MEGF6: variants seen among roughly 807,000 people sequenced by gnomAD.
MEGF6 encodes the protein multiple epidermal growth factor-like domains protein 6.
MEGF6 carries 184 observed loss-of-function variants against 207.1 expected under a neutral mutation model. That is an observed-to-expected ratio of 0.89 (90% CI 0.79 to 1.00). The LOEUF (loss-of-function observed/expected upper bound fraction) is 1.00. Ranked by LOEUF, MEGF6 falls within the 50% of genes least tolerant of loss-of-function variation. MEGF6 has a pLI of 0.00. For synonymous variants in MEGF6, 1,038 were observed against 910.0 expected, an observed-to-expected ratio of 1.14 and a Z score of -2.53; for missense variants, 2,282 against 2,202.9, an observed-to-expected ratio of 1.04 and a Z score of -0.72.
Position 3,499,707 on chromosome 1 carries a change from G to T in MEGF6, c.2846C>A (p.Ala949Asp). 2 of 1,604,416 alleles carry T rather than the reference G, an allele frequency of 1.2e-6. No individual in the cohort carries two copies. Among genetic ancestry groups the T allele is most frequent in the Non-Finnish European group, 1.7e-6 (2 of 1,176,524 alleles). ...GCGACAGTCCAATCCAAAGAAGCCGGCCGGGCAGGCTGCAGACAGCGGGCA... is the reference window on the plus strand; with the variant it reads ...GCGACAGTCCAATCCAAAGAAGCCGTCCGGGCAGGCTGCAGACAGCGGGCA... ...RGTFCEHACP[A>D]GFFGLDCRSA... Residue 949 changes from alanine to aspartate, a missense_variant, in exon 23 of 37, where the codon GCC becomes GAC. Transcript: ENST00000356575.
intron 3 of MEGF6, among the ~76,000 whole-genome samples, chr1:3,591,179 T>G (rs1223930711): frequency 7.2e-5 from 11 of 152,010 alleles, no homozygotes; most frequent in African/African-American, 2.4e-4. Flanking sequence ...CCAGCAGAGA[T>G]GGGAAGCGCA....
chr1:3,557,751 G>A lies in MEGF6; in HGVS notation c.481+22074C>T, dbSNP rs575838546. 7.9e-5 allele frequency among the ~76,000 whole-genome samples: 12 copies of A among 152,368 alleles called. No individual in the cohort carries two copies. The East Asian group carries it at 2.3e-3, about 29-fold the overall frequency. On this transcript the variant is annotated intron_variant, in intron 4 of 36. Transcript: ENST00000356575. ...GCACCAGCAGCAGGGGGAGTTCAGG[G>A]GATAAAGTGCAGAAGGGCATATCAG...
the MEGF6 span, among the ~76,000 whole-genome samples, chr1:3,618,919 G>T: frequency 6.6e-6 from 1 of 152,204 alleles, no homozygotes; most frequent in African/African-American, 2.4e-5. This position sits in a 1 kb window ranked among gnomAD's most constrained non-coding sequence, Gnocchi z 4.7. Context: ...AGCTGGTGCC[G>T]GCACCTAGAG....
chr1:3,515,454 G>A lies in MEGF6; in HGVS notation c.678C>T (p.Arg226=). Reference sequence around the variant, plus strand: ...GCTGGAACCCGGGCCGGCACTGGCAGCGATGCCGAGTGATTGTGAGCTGGA... The same window carrying A: ...GCTGGAACCCGGGCCGGCACTGGCAACGATGCCGAGTGATTGTGAGCTGGA... ...HCVQLTITRH[R]CQCRPGFQLQ... The change falls in exon 6 of 37, where the codon CGC becomes CGT. Residue 226 remains arginine (R), a synonymous_variant. Transcript: ENST00000356575. The A allele has an allele frequency of 1.9e-6, 3 of 1,612,744 alleles. No individual in the cohort carries two copies. The highest frequency in any genetic ancestry group is 1.7e-6 in the Non-Finnish European group (2 of 1,179,922).
chr1:3,563,278 G>T (rs1375231032), intron 4 of MEGF6, among the ~76,000 whole-genome samples: 1 of 152,132 alleles, frequency 6.6e-6, no homozygotes, highest in Non-Finnish European at 1.5e-5. Flanking sequence ...ATATGGCCAC[G>T]ACGCTGGGCA....
chr1:3,501,660 A>C, intron 18 of MEGF6, 136 bp downstream of exon 18: 135 of 1,182,726 alleles, frequency 1.1e-4, no homozygotes, highest in Middle Eastern at 3.0e-4. Context: ...ACCCCAGGGG[A>C]GTGCACTGTG....
At chr1:3,530,545 C>CAG (rs1053930438) in intron 4 of MEGF6, among the ~76,000 whole-genome samples, 1 of 152,164 alleles carries the variant, frequency 6.6e-6, no homozygotes, top group African/African-American at 2.4e-5. Flanking sequence ...ATCCCAGCTG[C>CAG]AGAGAGAGGC....
chr1:3,622,178 C>T, the MEGF6 span, among the ~76,000 whole-genome samples: 1 of 152,118 alleles, frequency 6.6e-6, no homozygotes, highest in Non-Finnish European at 1.5e-5. Context: ...GCTGTGTCCC[C>T]ACCCAAATCT....
At chr1:3,624,646 G>C in the MEGF6 span, 3 of 152,586 alleles carry the variant, frequency 2.0e-5, no homozygotes, top group Admixed American at 2.0e-4. Context: ...GCTCCAGAAG[G>C]CCGAAGGGGG....
At chr1:3,518,483 C>T (rs746050956) in intron 5 of MEGF6, among the ~76,000 whole-genome samples, 9 of 152,014 alleles carry the variant, frequency 5.9e-5, no homozygotes, top group African/African-American at 1.2e-4. Context: ...CTGCTCGAGG[C>T]GCAGCATCCT....
chr1:3,604,949 G>A (rs1409950460), intron 1 of MEGF6, among the ~76,000 whole-genome samples: 4 of 151,980 alleles, frequency 2.6e-5, no homozygotes, highest in African/African-American at 9.7e-5. Context: ...GCACCCATGG[G>A]GGATGGTCTC....
intron 4 of MEGF6, among the ~76,000 whole-genome samples, chr1:3,538,161 G>A (rs539421156): frequency 6.6e-5 from 10 of 152,342 alleles, no homozygotes; most frequent in South Asian, 6.2e-4. Context: ...GTTTCCAACC[G>A]TTGACCTCCA....
At chr1:3,617,735 C>T in the MEGF6 span, among the ~76,000 whole-genome samples, 3 of 152,222 alleles carry the variant, frequency 2.0e-5, no homozygotes, top group Non-Finnish European at 4.4e-5. Flanking sequence ...TGGATTTTCC[C>T]GGCAGGCTGT....
chr1:3,527,012 A>T (rs1284681931), intron 4 of MEGF6, among the ~76,000 whole-genome samples: 1 of 152,226 alleles, frequency 6.6e-6, no homozygotes, highest in Non-Finnish European at 1.5e-5. Context: ...ACCGTGTGGG[A>T]AACATGGCTG....
At chr1:3,607,335 C>T (rs1254448030) in intron 1 of MEGF6, among the ~76,000 whole-genome samples, 4 of 152,156 alleles carry the variant, frequency 2.6e-5, no homozygotes, top group Non-Finnish European at 5.9e-5. Flanking sequence ...TCCTCCCCTT[C>T]ACGGCTCTCC....
intron 4 of MEGF6, among the ~76,000 whole-genome samples, chr1:3,532,529 G>A (rs1024583940): frequency 1.3e-5 from 2 of 152,176 alleles, no homozygotes; most frequent in Non-Finnish European, 2.9e-5. Context: ...CACTGTTCCC[G>A]GCCTTTCCAG....
chr1:3,538,845 G>A (rs1244436542), intron 4 of MEGF6, among the ~76,000 whole-genome samples: 1 of 152,136 alleles, frequency 6.6e-6, no homozygotes, highest in East Asian at 1.9e-4. Flanking sequence ...AGCACCCGCT[G>A]GGGATGTAGC....
rs1237505505 is a variant in MEGF6 at position 3,556,463 on chromosome 1, A to C, written c.481+23362T>G. On this transcript the variant is annotated intron_variant, in intron 4 of 36. Coordinates refer to ENST00000356575, the MANE Select transcript of MEGF6 (RefSeq NM_001409.4). This position sits in a 1 kb window ranked among gnomAD's most constrained non-coding sequence, Gnocchi z 4.4. ...AGCCACAGCCAGCAGGGGTAGGAGAAACCTCGGCAAAGCAAGAGACGCCCT... is the reference window on the plus strand; with the variant it reads ...AGCCACAGCCAGCAGGGGTAGGAGACACCTCGGCAAAGCAAGAGACGCCCT... Among the ~76,000 whole-genome samples, 1 of 152,116 alleles carries C rather than the reference A, an allele frequency of 6.6e-6. No homozygotes were observed. The highest frequency in any genetic ancestry group is 1.5e-5 in the Non-Finnish European group (1 of 68,018).
chr1:3,623,377 G>C, the MEGF6 span: 1 of 152,234 alleles, frequency 6.6e-6, no homozygotes, highest in South Asian at 2.1e-4. Flanking sequence ...ATTTCTAACC[G>C]GACTGGATAC....
Sources: gnomAD v4.1 joint callset for allele counts (sites outside exome capture counted in the v4.1 genomes callset) on GRCh38, gnomAD v4.1.1 for gene constraint, Gnocchi (gnomAD v3.1) non-coding constraint, MANE v1.5 for transcripts, NCBI Gene and HGNC (gene_info 2026-07-23, HGNC 2026-07-21) for gene names.